Variants in INTS14 observed in about 807,000 individuals in gnomAD.
INTS14 encodes the protein UPF0464 protein C15orf44.
INTS14 carries 27 observed loss-of-function variants against 56.9 expected under a neutral mutation model. The ratio of observed to expected loss-of-function variants is 0.47; its 90% CI spans 0.35 to 0.65. The LOEUF is 0.65. Among genes scored for constraint, INTS14 ranks in the 30% least tolerant of loss-of-function variants. INTS14 has a pLI of 0.00. For missense variants in INTS14, 517 were observed against 632.2 expected, an observed-to-expected ratio of 0.82 and a Z score of 1.95; for synonymous variants, 207 against 236.2, an observed-to-expected ratio of 0.88 and a Z score of 1.13.
At chr15:65,591,460 G>T (rs1024887449) in intron 9 of INTS14, 138 bp downstream of exon 9, 1 of 1,150,636 alleles carries the variant, frequency 8.7e-7, no homozygotes, top group Non-Finnish European at 1.2e-6. Context: ...AGTTTTCACC[G>T]TACACATCCA....
At chr15:65,584,614 T>G (rs1050277896) in intron 10 of INTS14, among the ~76,000 whole-genome samples, 156 bp downstream of exon 10, 1 of 152,232 alleles carries the variant, frequency 6.6e-6, no homozygotes. Flanking sequence ...CATGTTTTAC[T>G]GTAGGGCATC....
chr15:65,589,524 C>T (rs141098174), intron 9 of INTS14, among the ~76,000 whole-genome samples: 101 of 152,288 alleles, frequency 6.6e-4, no homozygotes, highest in African/African-American at 2.3e-3. Context: ...TGAAAATATA[C>T]ACTAAATTAT....
intron 1 of INTS14, among the ~76,000 whole-genome samples, chr15:65,608,531 C>T (rs777948922): frequency 6.6e-6 from 1 of 152,128 alleles, no homozygotes; most frequent in East Asian, 1.9e-4. Flanking sequence ...GATACACAGA[C>T]CTGCTCATGG....
chr15:65,597,491 G>A (rs1426596110), intron 6 of INTS14, among the ~76,000 whole-genome samples: 3 of 152,180 alleles, frequency 2.0e-5, no homozygotes, highest in Admixed American at 1.3e-4. Flanking sequence ...TGCTATTTTT[G>A]ACTCTTCACT....
Position 65,579,531 on chromosome 15 carries a change from C to T in INTS14, c.1434G>A (p.Gln478=). The change falls in exon 12 of 12, where the codon CAG becomes CAA. Residue 478 remains glutamine (Q), a synonymous_variant. Transcript: ENST00000313182. The stretch of plus-strand genomic sequence containing the variant: ...TGAGCTGCTGGGCAGCATGGGTCAG[C>T]TGGAATGCAGCATCAGGGTGGGCTG... ...PETAHPDAAF[Q]LTHAAQQLKL... 6.2e-7 allele frequency: 1 copy of T among 1,614,220 alleles called. No homozygotes were observed. The highest frequency in any genetic ancestry group is 8.5e-7 in the Non-Finnish European group (1 of 1,180,038).
In INTS14 at chr15:65,601,563, G is replaced by A. The variant is rs187531051; in HGVS notation, c.331-1634C>T. On this transcript the variant is annotated intron_variant, in intron 3 of 11. Transcript: ENST00000313182. ...TCACCATATTGGCCAGGATGGTCTC[G>A]AACTCCTGACCTTGTGAACCGTCAG... 6.4e-3 allele frequency among the ~76,000 whole-genome samples: 972 copies of A among 152,242 alleles called. 9 individuals carry two copies. Among genetic ancestry groups the A allele is most frequent in the African/African-American group, 0.022 (933 of 41,540 alleles).
intron 9 of INTS14, among the ~76,000 whole-genome samples, chr15:65,588,370 GA>G (rs1420623131): frequency 6.6e-6 from 1 of 151,404 alleles, no homozygotes; most frequent in Non-Finnish European, 1.5e-5. Context: ...ATATTATTTA[GA>G]AATGTAAATA....
chr15:65,609,395 C>T (rs2073777875), intron 1 of INTS14, among the ~76,000 whole-genome samples: 1 of 151,464 alleles, frequency 6.6e-6, no homozygotes, highest in South Asian at 2.1e-4. Context: ...CAGTATAGGC[C>T]CGACTGAAAA....
chr15:65,597,555 G>C (rs2073259051), intron 6 of INTS14, among the ~76,000 whole-genome samples: 1 of 152,128 alleles, frequency 6.6e-6, no homozygotes, highest in African/African-American at 2.4e-5. Flanking sequence ...TAAAAGCTGT[G>C]GTACATCACT....
Position 65,579,178 on chromosome 15 carries a change from A to G in INTS14, c.*230T>C. ...TGTGCCCATCATGGGAACAGCAGCT[A>G]TCTTCCAAGCTTAAAAATTATGAAT... On this transcript the variant is annotated 3_prime_UTR_variant, in exon 12 of 12. Transcript: ENST00000313182. 3.8e-6 allele frequency: 2 copies of G among 526,926 alleles called. No homozygotes were observed. The highest frequency in any genetic ancestry group is 5.3e-5 in the South Asian group (2 of 37,898). The allele number at this position is 526,926 out of a possible 1,614,324, so 32.6% of individuals were successfully genotyped here. A position where few individuals can be genotyped will look rare whatever the true frequency, so the allele number is the denominator to read the frequency against.
At chr15:65,587,873 A>G (rs747395484) in intron 9 of INTS14, among the ~76,000 whole-genome samples, 14 of 152,118 alleles carry the variant, frequency 9.2e-5, no homozygotes, top group Non-Finnish European at 1.8e-4. Context: ...TCCCAGCCAC[A>G]TGAGAGGTTG....
intron 10 of INTS14, among the ~76,000 whole-genome samples, chr15:65,583,118 G>T (rs1461308929): frequency 2.0e-5 from 3 of 152,208 alleles, no homozygotes; most frequent in Admixed American, 2.0e-4. Context: ...GCTGCTGTGA[G>T]AGAGTGTGGC....
intron 10 of INTS14, among the ~76,000 whole-genome samples, chr15:65,582,401 T>C (rs1242911942): frequency 6.6e-6 from 1 of 152,092 alleles, no homozygotes; most frequent in Non-Finnish European, 1.5e-5. Flanking sequence ...CATCATACCA[T>C]ATACAAAAAA....
intron 1 of INTS14, among the ~76,000 whole-genome samples, chr15:65,609,743 C>T (rs1252183104): frequency 1.3e-5 from 2 of 152,164 alleles, no homozygotes; most frequent in Non-Finnish European, 1.5e-5. Flanking sequence ...TGCAGGGAGG[C>T]CTTTTTACAA....
chr15:65,599,174 A>T (rs1242820881), intron 4 of INTS14, among the ~76,000 whole-genome samples, 184 bp from the exon 5 acceptor site: 2 of 152,236 alleles, frequency 1.3e-5, no homozygotes, highest in African/African-American at 4.8e-5. Flanking sequence ...GAGGAATGTT[A>T]CGTAAAATAA....
intron 6 of INTS14, 115 bp from the exon 7 acceptor site, chr15:65,595,940 G>A: frequency 1.4e-6 from 1 of 716,738 alleles, no homozygotes. Flanking sequence ...TATGATGACT[G>A]GGAAAGTTAT....
At chr15:65,600,650 C>T (rs1391177374) in intron 3 of INTS14, among the ~76,000 whole-genome samples, 1 of 147,064 alleles carries the variant, frequency 6.8e-6, no homozygotes, top group Non-Finnish European at 1.5e-5. Flanking sequence ...TCAACCTGGC[C>T]CCGCAAAAAA....
intron 3 of INTS14, among the ~76,000 whole-genome samples, chr15:65,601,626 C>A (rs1295218760): frequency 6.6e-6 from 1 of 152,128 alleles, no homozygotes; most frequent in Non-Finnish European, 1.5e-5. Context: ...CAGGCGTGAG[C>A]CACCGCGCCC....
chr15:65,581,547 C>CAAAAAAAAAAAAAAA (rs57782914), intron 11 of INTS14, among the ~76,000 whole-genome samples: 2 of 47,732 alleles, frequency 4.2e-5, no homozygotes, highest in African/African-American at 1.7e-4. Context: ...GACTCCATCT[C>CAAAAAAAAAAAAAAA]AAAAAAAAAA....
Sources: gnomAD v4.1 joint callset for allele counts (sites outside exome capture counted in the v4.1 genomes callset) on GRCh38, gnomAD v4.1.1 for gene constraint, MANE v1.5 for transcripts, NCBI Gene and HGNC (gene_info 2026-07-23, HGNC 2026-07-21) for gene names.